SUPT3H: variants seen among roughly 807,000 people sequenced by gnomAD.
SUPT3H encodes transcription initiation protein SPT3 homolog.
Under a neutral mutation model 44.3 loss-of-function variants are expected in SUPT3H, and 44 were observed. That is an observed-to-expected ratio of 0.99 (90% CI 0.78 to 1.28). The LOEUF is 1.28. Ranked by LOEUF, SUPT3H falls within the 50% of genes most tolerant of loss-of-function variation. SUPT3H has a pLI of 0.00. For synonymous variants in SUPT3H, 124 were observed against 125.6 expected, an observed-to-expected ratio of 0.99 and a Z score of 0.09; for missense variants, 380 against 387.1, an observed-to-expected ratio of 0.98 and a Z score of 0.15.
At chr6:44,977,290 G>C (rs1778462848) in intron 6 of SUPT3H, among the ~76,000 whole-genome samples, 1 of 152,180 alleles carries the variant, frequency 6.6e-6, no homozygotes, top group African/African-American at 2.4e-5. Flanking sequence ...GTCAAGTAAG[G>C]AAGAATCACA....
intron 3 of SUPT3H, among the ~76,000 whole-genome samples, chr6:45,061,095 G>A (rs1476941047): frequency 6.6e-6 from 1 of 151,892 alleles, no homozygotes; most frequent in African/African-American, 2.4e-5. Flanking sequence ...GCCATTACTG[G>A]GTATATACTC....
chr6:45,200,804 T>C (rs1430242090), intron 2 of SUPT3H, among the ~76,000 whole-genome samples: 3 of 151,478 alleles, frequency 2.0e-5, no homozygotes, highest in African/African-American at 4.8e-5. Flanking sequence ...ACTGACATAA[T>C]GCCTAGAACA....
chr6:45,120,626 G>T (rs1380586226), intron 2 of SUPT3H, among the ~76,000 whole-genome samples: 2 of 151,918 alleles, frequency 1.3e-5, no homozygotes, highest in East Asian at 3.9e-4. Context: ...AACAACAAAT[G>T]ATGTCTATAT....
In SUPT3H at chr6:45,319,113, G is replaced by A. The variant is rs921427013; in HGVS notation, c.101+46088C>T. Among the ~76,000 whole-genome samples, 10 of 152,240 alleles carry A rather than the reference G, an allele frequency of 6.6e-5. No individual in the cohort carries two copies. In the East Asian group the frequency reaches 1.7e-3, roughly 26 times the overall value. The stretch of plus-strand genomic sequence containing the variant: ...CAATCAATCTGCCCTCACATTAAAT[G>A]ACCCTTGAAGATGCTTTTTGGGTTT... On this transcript the variant is annotated intron_variant, in intron 2 of 10. Coordinates refer to ENST00000371459, the MANE Select transcript of SUPT3H (RefSeq NM_003599.4).
intron 2 of SUPT3H, among the ~76,000 whole-genome samples, chr6:45,204,875 T>C (rs886278378): frequency 1.2e-4 from 19 of 152,180 alleles, no homozygotes; most frequent in African/African-American, 4.1e-4. Flanking sequence ...ATTTTTCTCA[T>C]TCTCACTATT....
intron 3 of SUPT3H, among the ~76,000 whole-genome samples, chr6:45,090,671 G>A (rs1039426618): frequency 7.2e-5 from 11 of 151,822 alleles, no homozygotes; most frequent in Admixed American, 1.3e-4. Context: ...ATTCTTATCA[G>A]TGAAATCAAA....
At chr6:45,278,761 C>T (rs1488479819) in intron 2 of SUPT3H, among the ~76,000 whole-genome samples, 1 of 152,052 alleles carries the variant, frequency 6.6e-6, no homozygotes, top group Non-Finnish European at 1.5e-5. Flanking sequence ...GTGACTTGTT[C>T]AATACAGATT....
At chr6:44,914,531 T>A (rs1225387719) in intron 10 of SUPT3H, among the ~76,000 whole-genome samples, 1 of 152,202 alleles carries the variant, frequency 6.6e-6, no homozygotes, top group African/African-American at 2.4e-5. Flanking sequence ...GAATCAATGA[T>A]CAATCCTGGA....
At chr6:45,203,626 C>T (rs1299059346) in intron 2 of SUPT3H, among the ~76,000 whole-genome samples, 1 of 152,116 alleles carries the variant, frequency 6.6e-6, no homozygotes, top group Non-Finnish European at 1.5e-5. Context: ...CCAATACTGT[C>T]AAAATAATGT....
At chr6:44,980,041 A>G (rs964522073) in intron 6 of SUPT3H, among the ~76,000 whole-genome samples, 1 of 152,144 alleles carries the variant, frequency 6.6e-6, no homozygotes, top group African/African-American at 2.4e-5. Flanking sequence ...GCAAGATCAA[A>G]GTTTATTTTT....
intron 2 of SUPT3H, among the ~76,000 whole-genome samples, chr6:45,183,336 G>A (rs571412070): frequency 5.3e-5 from 8 of 152,212 alleles, no homozygotes; most frequent in South Asian, 2.1e-4. Context: ...AAGTAACTGC[G>A]GAATGTATAC....
At chr6:45,103,544 CTAAA>C (rs574337013) in intron 3 of SUPT3H, among the ~76,000 whole-genome samples, 258 of 151,924 alleles carry the variant, frequency 1.7e-3, no homozygotes, top group Non-Finnish European at 2.8e-3. Context: ...CTAGCACTGA[CTAAA>C]TAGCATATTA....
intron 2 of SUPT3H, chr6:45,321,649 C>G (rs1785514789): frequency 3.3e-6 from 2 of 601,524 alleles, no homozygotes; most frequent in South Asian, 2.1e-5. Context: ...ATCTAGCAAC[C>G]AATCAAGTTT....
intron 2 of SUPT3H, among the ~76,000 whole-genome samples, chr6:45,343,431 G>A (rs955205348): frequency 6.6e-5 from 10 of 152,204 alleles, no homozygotes; most frequent in Non-Finnish European, 8.8e-5. Context: ...TGAAGGACTC[G>A]AGAGACTAAC....
intron 2 of SUPT3H, among the ~76,000 whole-genome samples, chr6:45,244,026 C>T (rs915502183): frequency 1.3e-5 from 2 of 152,150 alleles, no homozygotes; most frequent in Admixed American, 1.3e-4. Flanking sequence ...GGAAGACAGG[C>T]ATGTGCCACC....
At chr6:45,068,354 C>G (rs1305173484) in intron 3 of SUPT3H, among the ~76,000 whole-genome samples, 1 of 138,080 alleles carries the variant, frequency 7.2e-6, no homozygotes, top group African/African-American at 2.7e-5. Context: ...GGGAGATATA[C>G]CTAATGCTAG....
chr6:45,030,307 T>C (rs1400362866), intron 3 of SUPT3H, among the ~76,000 whole-genome samples: 1 of 152,160 alleles, frequency 6.6e-6, no homozygotes. Context: ...TGGTTGCCTA[T>C]ATAATATGTG....
rs60566891 is a variant in SUPT3H, at chr6:45,121,893, GT to G, written c.102-15888del. Among the ~76,000 whole-genome samples the G allele has an allele frequency of 3.9e-3, 594 of 151,940 alleles. 7 individuals are homozygous for G. Among genetic ancestry groups the G allele is most frequent in the African/African-American group, 0.014 (566 of 41,434 alleles). ...GGGTTTCACCATGTTGGCCAGGCTG[GT>G]CTCAAACTCCTGACCTCATGATCCA... On this transcript the variant is annotated intron_variant, in intron 2 of 10. Coordinates refer to ENST00000371459, the MANE Select transcript of SUPT3H (RefSeq NM_003599.4).
chr6:45,289,478 T>C (rs1001166804), intron 2 of SUPT3H, among the ~76,000 whole-genome samples: 1 of 152,188 alleles, frequency 6.6e-6, no homozygotes, highest in Non-Finnish European at 1.5e-5. Context: ...TTCTCAGTAA[T>C]TCACTGTATC....
Sources: allele counts gnomAD v4.1 joint callset (sites outside exome capture counted in the v4.1 genomes callset), GRCh38; gene constraint gnomAD v4.1.1; transcripts MANE v1.5; gene names NCBI Gene and HGNC (gene_info 2026-07-23, HGNC 2026-07-21).